Variants in FERMT2 observed in about 807,000 individuals in gnomAD.
FERMT2 encodes the protein fermitin family homolog 2.
FERMT2 carries 15 observed loss-of-function variants against 82.7 expected under a neutral mutation model. That is an observed-to-expected ratio of 0.18 (90% CI 0.12 to 0.28). The LOEUF (loss-of-function observed/expected upper bound fraction) is 0.28, where lower values mean the gene tolerates loss of function less well. Among genes scored for constraint, FERMT2 ranks in the 10% least tolerant of loss-of-function variants. The probability of loss-of-function intolerance (pLI) is 1.00; values close to 1 mark genes in which losing one functional copy is unlikely to be tolerated. For missense variants in FERMT2, 645 were observed against 809.4 expected, an observed-to-expected ratio of 0.80 and a Z score of 2.46; for synonymous variants, 274 against 271.5, an observed-to-expected ratio of 1.01 and a Z score of -0.09.
chr14:52,935,358 A>G (rs892438122), intron 2 of FERMT2, among the ~76,000 whole-genome samples: 2 of 152,132 alleles, frequency 1.3e-5, no homozygotes, highest in Non-Finnish European at 2.9e-5. Flanking sequence ...ATTATGGGAA[A>G]CTGCTATGGA....
chr14:52,936,411 T>G (rs1220984027), intron 2 of FERMT2, among the ~76,000 whole-genome samples: 1 of 152,202 alleles, frequency 6.6e-6, no homozygotes, highest in East Asian at 1.9e-4. Flanking sequence ...ATTTCCAATG[T>G]GTAAAAATCT....
At chr14:52,891,454 A>G (rs1414956643) in intron 4 of FERMT2, among the ~76,000 whole-genome samples, 1 of 152,212 alleles carries the variant, frequency 6.6e-6, no homozygotes, top group African/African-American at 2.4e-5. Flanking sequence ...AAATGCAATC[A>G]GTACATAAAA....
chr14:52,919,089 C>T, intron 3 of FERMT2, 34 bp downstream of exon 3: 1 of 1,451,258 alleles, frequency 6.9e-7, no homozygotes, highest in Non-Finnish European at 9.6e-7. Context: ...CATCACATAA[C>T]TCGTATTTTA....
chr14:52,913,656 A>T (rs1390594825), intron 3 of FERMT2, among the ~76,000 whole-genome samples: 1 of 138,388 alleles, frequency 7.2e-6, no homozygotes, highest in Non-Finnish European at 1.6e-5. Context: ...CAGAGCCAGA[A>T]GTTCAATGCC....
chr14:52,893,172 T>G (rs552925234), intron 4 of FERMT2, 121 bp downstream of exon 4: 179 of 880,342 alleles, frequency 2.0e-4, no homozygotes, highest in Middle Eastern at 4.9e-4. Context: ...AATTGAAGTT[T>G]TTGTTTTTTT....
rs534836028 is a variant in FERMT2, at chr14:52,893,014, T to C, written c.526+279A>G. On this transcript the variant is annotated intron_variant, in intron 4 of 14. Coordinates refer to ENST00000341590, the MANE Select transcript of FERMT2 (RefSeq NM_006832.3). ...TGCTGAAGGAGAGTTTATGTTTTTT[T>C]TGAGACGGAGTCTCACTCTGTCACC... Among the ~76,000 whole-genome samples, 3 of 152,296 alleles carry C rather than the reference T, an allele frequency of 2.0e-5. No individual in the cohort carries two copies. In the South Asian group the frequency reaches 6.2e-4, roughly 32 times the overall value.
intron 3 of FERMT2, among the ~76,000 whole-genome samples, chr14:52,917,600 C>T (rs1275146095): frequency 6.6e-6 from 1 of 152,098 alleles, no homozygotes; most frequent in East Asian, 1.9e-4. Context: ...TGTATCTCCC[C>T]TCCTACATCC....
Position 52,899,292 on chromosome 14 carries a change from A to T in FERMT2, c.392-5865T>A, listed in dbSNP as rs556902698. Among the ~76,000 whole-genome samples the T allele has an allele frequency of 3.4e-3, 501 of 149,030 alleles. 5 individuals carry two copies. Among genetic ancestry groups the T allele is most frequent in the African/African-American group, 0.011 (463 of 40,694 alleles). On this transcript the variant is annotated intron_variant, in intron 3 of 14. Transcript: ENST00000341590. ...TTCTGATTCCAGCTTTTATTTATTT[A>T]TTTTTTTTGAGACGGAGTCTTGCTC... is the stretch of plus-strand genomic sequence containing the variant.
In FERMT2 at chr14:52,864,601, T is replaced by A. The variant is rs1885158661; in HGVS notation, c.1402A>T (p.Met468Leu). The change falls in exon 12 of 15, where the codon ATG (methionine) becomes TTG (leucine). Residue 468 changes from methionine to leucine, a missense_variant. Met to Leu is a conservative substitution (Grantham distance 15). Transcript: ENST00000341590. ...CDNEKQYAHWMAACRLASKGK... is the reference protein window; with the variant it reads ...CDNEKQYAHWLAACRLASKGK... Reference sequence around the variant, plus strand: ...TTGGAGGCTAATCTGCAGGCTGCCATCCAGTGTGCATACTGTTTTTCCTGG... The same window carrying A: ...TTGGAGGCTAATCTGCAGGCTGCCAACCAGTGTGCATACTGTTTTTCCTGG... 2 of 1,614,114 alleles carry A rather than the reference T, an allele frequency of 1.2e-6. No individual in the cohort carries two copies. Among genetic ancestry groups the A allele is most frequent in the Non-Finnish European group, 1.7e-6 (2 of 1,179,958 alleles).
intron 3 of FERMT2, among the ~76,000 whole-genome samples, chr14:52,907,419 T>C (rs1888077387): frequency 6.6e-6 from 1 of 152,112 alleles, no homozygotes; most frequent in Non-Finnish European, 1.5e-5. Context: ...AAAAGGAGAC[T>C]ACATGGAAAG....
At chr14:52,905,281 G>C (rs2139593644) in intron 3 of FERMT2, among the ~76,000 whole-genome samples, 1 of 151,910 alleles carries the variant, frequency 6.6e-6, no homozygotes, top group African/African-American at 2.4e-5. Flanking sequence ...CACATATTTA[G>C]AATTATGAAA....
chr14:52,877,242 T>G (rs1357724807), intron 7 of FERMT2, among the ~76,000 whole-genome samples: 1 of 152,194 alleles, frequency 6.6e-6, no homozygotes, highest in Non-Finnish European at 1.5e-5. Context: ...TCTGTGGTCT[T>G]TCACACATAT....
chr14:52,931,050 C>T (rs1264339432), intron 2 of FERMT2, among the ~76,000 whole-genome samples: 1 of 152,122 alleles, frequency 6.6e-6, no homozygotes, highest in Non-Finnish European at 1.5e-5. Context: ...TTTAGTCACT[C>T]AGACCTTTAA....
chr14:52,877,353 G>A (rs1444715395), intron 7 of FERMT2, among the ~76,000 whole-genome samples: 2 of 152,036 alleles, frequency 1.3e-5, no homozygotes, highest in Admixed American at 1.3e-4. Context: ...ATAACCACGT[G>A]AGGGGACTCC....
At chr14:52,883,513 T>G (rs1296355268) in intron 4 of FERMT2, among the ~76,000 whole-genome samples, 1 of 152,220 alleles carries the variant, frequency 6.6e-6, no homozygotes, top group Non-Finnish European at 1.5e-5. Context: ...TAAATAAATC[T>G]GTTACGAAGA....
At chr14:52,860,108 T>A (rs970217473) in intron 13 of FERMT2, 1 of 426,646 alleles carries the variant, frequency 2.3e-6, no homozygotes, top group Admixed American at 4.2e-5. Context: ...TGAGCCACCG[T>A]GCCTGGCCAA....
intron 2 of FERMT2, among the ~76,000 whole-genome samples, chr14:52,935,881 C>T (rs1262195372): frequency 6.6e-6 from 1 of 152,162 alleles, no homozygotes; most frequent in Admixed American, 6.5e-5. Context: ...TTATCCGATA[C>T]TATAAGACAT....
chr14:52,885,511 C>CA (rs1203615991), intron 4 of FERMT2, among the ~76,000 whole-genome samples: 5 of 151,962 alleles, frequency 3.3e-5, no homozygotes, highest in African/African-American at 1.2e-4. Flanking sequence ...GTTTAAAATG[C>CA]ATCTGAGGCA....
chr14:52,884,120 G>C (rs968637022), intron 4 of FERMT2, among the ~76,000 whole-genome samples: 28 of 152,192 alleles, frequency 1.8e-4, no homozygotes, highest in Non-Finnish European at 1.5e-5. Context: ...CCTATAGTTT[G>C]TATCTTCTTC....
Sources: gnomAD v4.1 joint callset for allele counts (sites outside exome capture counted in the v4.1 genomes callset) on GRCh38, gnomAD v4.1.1 for gene constraint, MANE v1.5 for transcripts, NCBI Gene and HGNC (gene_info 2026-07-23, HGNC 2026-07-21) for gene names.